Variants in DISP1 observed in about 807,000 individuals in gnomAD.
The protein encoded by DISP1 is protein dispatched homolog 1.
A neutral mutation model predicts 37.3 loss-of-function variants in DISP1; 30 were observed. That is an observed-to-expected ratio of 0.80 (90% CI 0.60 to 1.09). The LOEUF (loss-of-function observed/expected upper bound fraction) is 1.09. Among genes scored for constraint, DISP1 ranks in the 50% least tolerant of loss-of-function variants. DISP1 has a pLI of 0.00. For missense variants in DISP1, 1,598 were observed against 1,879.5 expected (o/e 0.85, Z 2.77); for synonymous variants, 634 against 690.2 (o/e 0.92, Z 1.28).
chr1:222,852,497 G>A (rs1021714109), intron 1 of DISP1, among the ~76,000 whole-genome samples: 6 of 152,090 alleles, frequency 3.9e-5, no homozygotes, highest in Admixed American at 1.3e-4. Context: ...ATGAGCCACC[G>A]TGCCCGGCAC....
chr1:222,856,068 T>A (rs574119470), intron 1 of DISP1, among the ~76,000 whole-genome samples: 1 of 152,334 alleles, frequency 6.6e-6, no homozygotes, highest in African/African-American at 2.4e-5. Context: ...TCCATCACTA[T>A]CATTTATTTT....
intron 2 of DISP1, among the ~76,000 whole-genome samples, chr1:222,942,280 A>G (rs971226843): frequency 2.6e-5 from 4 of 152,134 alleles, no homozygotes; most frequent in Non-Finnish European, 5.9e-5. Flanking sequence ...GACTTGAATG[A>G]CTAAGGGGAA....
intron 3 of DISP1, among the ~76,000 whole-genome samples, chr1:222,964,156 G>C (rs34050420): frequency 2.0e-5 from 3 of 151,758 alleles, no homozygotes; most frequent in Non-Finnish European, 4.4e-5. Flanking sequence ...AAAATTAGCC[G>C]GGCATGGTGG....
intron 1 of DISP1, among the ~76,000 whole-genome samples, chr1:222,881,681 T>TA (rs1179477761): frequency 1.3e-5 from 2 of 152,216 alleles, no homozygotes; most frequent in African/African-American, 4.8e-5. Flanking sequence ...TGGCATCAGG[T>TA]AGAGTTTGAG....
At chr1:222,819,515 TACAC>T (rs71175197) in intron 1 of DISP1, among the ~76,000 whole-genome samples, 10 of 139,286 alleles carry the variant, frequency 7.2e-5, no homozygotes, top group East Asian at 6.3e-4. Flanking sequence ...GTTATATACA[TACAC>T]ACACACACAC....
chr1:222,972,303 G>A (rs773985643), intron 3 of DISP1, among the ~76,000 whole-genome samples: 3 of 152,008 alleles, frequency 2.0e-5, no homozygotes, highest in Non-Finnish European at 2.9e-5. Flanking sequence ...ATTACTTAAA[G>A]ATTATTTTCC....
At chr1:222,985,475 C>T (rs182345758) in intron 4 of DISP1, among the ~76,000 whole-genome samples, 60 of 152,302 alleles carry the variant, frequency 3.9e-4, no homozygotes, top group African/African-American at 1.3e-3. Flanking sequence ...CATGGTGAAA[C>T]CCTGTCTCTA....
intron 8 of DISP1, among the ~76,000 whole-genome samples, chr1:222,997,874 A>G (rs1191737857): frequency 6.6e-6 from 1 of 152,202 alleles, no homozygotes. Flanking sequence ...ATGTGTCAAA[A>G]TGAATGGTTG....
At chr1:222,950,130 G>A (rs1178105410) in intron 3 of DISP1, among the ~76,000 whole-genome samples, 1 of 152,154 alleles carries the variant, frequency 6.6e-6, no homozygotes, top group East Asian at 1.9e-4. Context: ...TCCCCTGGAA[G>A]GATCCCTGTA....
Position 222,831,286 on chromosome 1 carries a change from A to G in DISP1, c.-159+16208A>G, listed in dbSNP as rs971554868. On this transcript the variant is annotated intron_variant, in intron 1 of 8. Transcript: ENST00000675850. ...GCATAGTTTGACATATGTATGCACA[A>G]ATACACATGTGGAATCATAAATTAA... Among the ~76,000 whole-genome samples, 4 of 152,214 alleles carry G rather than the reference A, an allele frequency of 2.6e-5. No individual in the cohort carries two copies. The South Asian group carries it at 6.2e-4, about 24-fold the overall frequency.
At chr1:222,958,884 A>G (rs1558357102) in intron 3 of DISP1, among the ~76,000 whole-genome samples, 1 of 152,158 alleles carries the variant, frequency 6.6e-6, no homozygotes, top group African/African-American at 2.4e-5. Flanking sequence ...GTAACCAGCT[A>G]TATATGGCTT....
chr1:222,986,181 G>A (rs1410334182), intron 4 of DISP1, among the ~76,000 whole-genome samples: 5 of 152,240 alleles, frequency 3.3e-5, no homozygotes, highest in East Asian at 3.9e-4. Flanking sequence ...TTAAAGATCC[G>A]GTGGTCGGTG....
At position 222,894,702 on chromosome 1, in the gene DISP1, C is replaced by T. The variant is rs535822262; in HGVS notation, c.-158-33728C>T. ...TGGGAGCATGGGGCTCCTGCTTTGC[C>T]AATTCGGAAATGGGTGGGGCTCCCA... On this transcript the variant is annotated intron_variant, in intron 1 of 8. Coordinates refer to ENST00000675850, the MANE Select transcript of DISP1 (RefSeq NM_001377229.1). Among the ~76,000 whole-genome samples the T allele has an allele frequency of 2.4e-3, 369 of 152,308 alleles. 2 individuals carry two copies. Among genetic ancestry groups the T allele is most frequent in the Non-Finnish European group, 4.0e-3 (274 of 68,012 alleles).
At chr1:222,938,761 AAGG>A (rs1558342205) in intron 2 of DISP1, among the ~76,000 whole-genome samples, 3 of 74,982 alleles carry the variant, frequency 4.0e-5, no homozygotes, top group Admixed American at 1.5e-4. Flanking sequence ...AAAAAAAAAA[AAGG>A]AAGGAAGGAA....
At chr1:222,936,795 A>ATT (rs1673824028) in intron 2 of DISP1, among the ~76,000 whole-genome samples, 1 of 45,994 alleles carries the variant, frequency 2.2e-5, no homozygotes, top group Non-Finnish European at 4.2e-5. Context: ...AATATATATA[A>ATT]TATATTATAT....
chr1:222,943,379 T>C, intron 3 of DISP1, 47 bp downstream of exon 3: 3 of 1,611,390 alleles, frequency 1.9e-6, no homozygotes, highest in Non-Finnish European at 2.5e-6. Context: ...TAATGCCACG[T>C]GAACATGACA....
At chr1:222,838,729 C>T (rs933515542) in intron 1 of DISP1, among the ~76,000 whole-genome samples, 4 of 152,210 alleles carry the variant, frequency 2.6e-5, no homozygotes, top group Non-Finnish European at 4.4e-5. Context: ...TATGATTGTG[C>T]CACTGCACTC....
chr1:222,831,313 C>T (rs781053288), intron 1 of DISP1, among the ~76,000 whole-genome samples: 16 of 152,056 alleles, frequency 1.1e-4, no homozygotes, highest in South Asian at 1.0e-3. Flanking sequence ...ATAAATTAAA[C>T]GATATGTAAA....
In DISP1 at chr1:223,000,742, G is replaced by A. The variant is rs1679380302; in HGVS notation, c.988-1643G>A. On this transcript the variant is annotated intron_variant, in intron 8 of 8. Transcript: ENST00000675850. The stretch of plus-strand genomic sequence containing the variant: ...AAGTATCCTGATAAACAGAGTTCAG[G>A]GATCATAGGTAACTTGGTTCTTGGG... 2.0e-5 allele frequency among the ~76,000 whole-genome samples: 3 copies of A among 152,078 alleles called. 1 individual carries two copies. The highest frequency in any genetic ancestry group is 2.4e-5 in the African/African-American group (1 of 41,410).
Sources: allele counts gnomAD v4.1 joint callset (sites outside exome capture counted in the v4.1 genomes callset), GRCh38; gene constraint gnomAD v4.1.1; transcripts MANE v1.5; gene names NCBI Gene and HGNC (gene_info 2026-07-23, HGNC 2026-07-21).